ZUP1: variants seen among roughly 807,000 people sequenced by gnomAD.
The protein encoded by ZUP1 is zinc finger-containing ubiquitin peptidase 1.
Under a neutral mutation model 68.1 loss-of-function variants are expected in ZUP1, and 55 were observed. The ratio of observed to expected loss-of-function variants is 0.81; its 90% CI spans 0.65 to 1.01. The LOEUF is 1.01. Ranked by LOEUF, ZUP1 falls within the 50% of genes least tolerant of loss-of-function variation. The pLI is 0.00. For missense variants in ZUP1, 684 were observed against 674.9 expected (o/e 1.01, Z -0.15); for synonymous variants, 223 against 221.5 (o/e 1.01, Z -0.06).
At chr6:116,659,691 A>G (rs927285910) in intron 3 of ZUP1, among the ~76,000 whole-genome samples, 3 of 152,102 alleles carry the variant, frequency 2.0e-5, no homozygotes, top group Non-Finnish European at 4.4e-5. Flanking sequence ...ATTTAATTAC[A>G]GTTTGGCCCC....
Position 116,647,503 on chromosome 6 carries a change from T to A in ZUP1, c.1424A>T (p.Lys475Met). 1 of 1,598,694 alleles carries A rather than the reference T, an allele frequency of 6.3e-7. No individual in the cohort carries two copies. Among genetic ancestry groups the A allele is most frequent in the Non-Finnish European group, 8.6e-7 (1 of 1,169,514 alleles). Residue 475 changes from lysine (K) to methionine (M), a missense_variant, in exon 8 of 10, where the codon AAG (lysine) becomes ATG (methionine). By Grantham distance (95) the Lys-to-Met change is moderately conservative. Coordinates refer to ENST00000368576, the MANE Select transcript of ZUP1 (RefSeq NM_145062.3). ...AGGAGGTTTAGATGTACACACTACC[T>A]TTGGACTCCCTTCTCCCTCTGAAGA... ...YYSSEGEGSP[K>M]VVCTSKPPIY...
rs1775892065 is a variant in ZUP1 at position 116,635,679 on chromosome 6, AT to A, written c.*152del. On this transcript the variant is annotated 3_prime_UTR_variant, in exon 10 of 10. Coordinates refer to ENST00000368576, the MANE Select transcript of ZUP1 (RefSeq NM_145062.3). ...TACCAAACAATGAAGTATGATAGGTATAATTCAATTAACACAGGCATTTTAG... is the reference window on the plus strand; with the variant it reads ...TACCAAACAATGAAGTATGATAGGTAAATTCAATTAACACAGGCATTTTAG... 5.9e-6 allele frequency: 3 copies of A among 509,250 alleles called. No individual in the cohort carries two copies. The highest frequency in any genetic ancestry group is 1.0e-5 in the Non-Finnish European group (3 of 296,982). 31.5% of individuals were successfully genotyped at this position (509,250 alleles called of 1,614,324 possible).
intron 7 of ZUP1, among the ~76,000 whole-genome samples, chr6:116,650,938 CA>C (rs1776470979): frequency 6.6e-6 from 1 of 150,742 alleles, no homozygotes; most frequent in Non-Finnish European, 1.5e-5. Flanking sequence ...ACACACAAAA[CA>C]GTGAAAAAAT....
intron 8 of ZUP1, 132 bp from the exon 9 acceptor site, chr6:116,646,066 C>A (rs1776300067): frequency 1.8e-6 from 1 of 564,892 alleles, no homozygotes; most frequent in Non-Finnish European, 2.9e-6. Flanking sequence ...ACATATGTAT[C>A]TAAGTTCTCC....
chr6:116,665,119 CT>C (rs764567708), intron 2 of ZUP1, among the ~76,000 whole-genome samples: 1 of 151,490 alleles, frequency 6.6e-6, no homozygotes, highest in Non-Finnish European at 1.5e-5. Context: ...TTAAAAGCAA[CT>C]GAAAAAAACT....
chr6:116,651,654 G>A lies in ZUP1; in HGVS notation c.1234C>T (p.Gln412Ter). The A allele has an allele frequency of 1.2e-6, 2 of 1,613,802 alleles. No homozygotes were observed. Among genetic ancestry groups the A allele is most frequent in the African/African-American group, 1.3e-5 (1 of 75,002 alleles). ...GTTCCCTGTAACCTGTTATTAAGTT[G>A]AGAGGCCCCCTGAGGATCAAAACCT... is the stretch of plus-strand genomic sequence containing the variant. ...KEGFDPQGAS[Q>*]LNNRLQGTKA... The change falls in exon 7 of 10, where the codon CAA becomes TAA. Residue 412 changes from glutamine (Q) to a stop codon, truncating the protein, a stop_gained. Transcript: ENST00000368576. LOFTEE classifies it high-confidence loss of function.
Position 116,651,679 on chromosome 6 carries a change from T to C in ZUP1, c.1209A>G (p.Glu403=). 1 of 1,613,908 alleles carries C rather than the reference T, an allele frequency of 6.2e-7. No individual in the cohort carries two copies. Among genetic ancestry groups the C allele is most frequent in the Non-Finnish European group, 8.5e-7 (1 of 1,179,864 alleles). Residue 403 remains glutamate (E), a synonymous_variant, in exon 7 of 10, where the codon GAA becomes GAG. Coordinates refer to ENST00000368576, the MANE Select transcript of ZUP1 (RefSeq NM_145062.3). ...GAGAGGCCCCCTGAGGATCAAAACC[T>C]TCCTTCCATGCATCTTCAATCATAG... is the stretch of plus-strand genomic sequence containing the variant. ...IQSMIEDAWK[E]GFDPQGASQL...
intron 9 of ZUP1, among the ~76,000 whole-genome samples, chr6:116,641,856 A>T (rs902342224): frequency 2.0e-5 from 3 of 152,196 alleles, no homozygotes; most frequent in Non-Finnish European, 4.4e-5. Flanking sequence ...GAACTGAAGG[A>T]AATAGAGACA....
intron 2 of ZUP1, among the ~76,000 whole-genome samples, chr6:116,664,158 C>G (rs913097157): frequency 6.6e-6 from 1 of 152,120 alleles, no homozygotes; most frequent in African/African-American, 2.4e-5. Context: ...AGCCTGGGCG[C>G]GGTGGCTTAC....
intron 2 of ZUP1, among the ~76,000 whole-genome samples, chr6:116,663,634 G>A (rs938568607): frequency 1.4e-4 from 22 of 152,110 alleles, no homozygotes; most frequent in African/African-American, 5.3e-4. Flanking sequence ...GGGAATTAAT[G>A]TAGAATTATT....
chr6:116,665,016 G>A (rs1031518774), intron 2 of ZUP1, among the ~76,000 whole-genome samples: 6 of 151,516 alleles, frequency 4.0e-5, no homozygotes, highest in African/African-American at 1.2e-4. Context: ...ACAATACATA[G>A]AAAACAAAAA....
At chr6:116,640,593 T>A (rs1348034428) in intron 9 of ZUP1, among the ~76,000 whole-genome samples, 1 of 151,926 alleles carries the variant, frequency 6.6e-6, no homozygotes, top group Non-Finnish European at 1.5e-5. Flanking sequence ...AAACTAAGCT[T>A]CACAAGTGAA....
intron 5 of ZUP1, among the ~76,000 whole-genome samples, chr6:116,653,126 T>C (rs1776566320): frequency 6.6e-6 from 1 of 151,974 alleles, no homozygotes; most frequent in Non-Finnish European, 1.5e-5. Context: ...AAAAACAAGG[T>C]GTTAGGACAA....
chr6:116,660,891 A>AT (rs747714483), intron 2 of ZUP1, 45 bp from the exon 3 acceptor site: 1 of 1,184,944 alleles, frequency 8.4e-7, no homozygotes, highest in South Asian at 1.5e-5. Flanking sequence ...TTTTATTTTA[A>AT]TTTTTTTCTT....
Position 116,658,848 on chromosome 6 carries a change from T to A in ZUP1, c.747A>T (p.Arg249Ser). 1 of 1,609,394 alleles carries A rather than the reference T, an allele frequency of 6.2e-7. No individual in the cohort carries two copies. The highest frequency in any genetic ancestry group is 8.5e-7 in the Non-Finnish European group (1 of 1,177,050). Residue 249 changes from arginine (R) to serine (S), a missense_variant, in exon 4 of 10, where the codon AGA becomes AGT. Physicochemically the swap from Arg to Ser is moderately radical, Grantham distance 110. Transcript: ENST00000368576. ...CTATTTCTTGTCTTGATTCTTCAGA[T>A]CTCCTCTTTCTGTCTTCTTCTTGCT... ...QLQQEEDRKR[R>S]SEESRQEIEE...
chr6:116,650,309 C>T (rs1390344865), intron 7 of ZUP1, among the ~76,000 whole-genome samples: 1 of 150,368 alleles, frequency 6.7e-6, no homozygotes, highest in African/African-American at 2.5e-5. Flanking sequence ...GTAATCCCAG[C>T]TACTAGGGAG....
intron 2 of ZUP1, among the ~76,000 whole-genome samples, chr6:116,663,186 A>G (rs1776897747): frequency 6.6e-6 from 1 of 152,102 alleles, no homozygotes. Flanking sequence ...CCACTCTAAA[A>G]AGTGTTTGAC....
In ZUP1 at chr6:116,667,051, T is replaced by TA; in HGVS notation, c.141dup (p.Ile48TyrfsTer7). 1 of 1,613,866 alleles carries TA rather than the reference T, an allele frequency of 6.2e-7. No homozygotes were observed. ...TTCTGCTCAAAATGAGCTGTTTCGA[T>TA]ATGAAAACACATTTCATCATAATTC... On this transcript the variant is annotated frameshift_variant, in exon 2 of 10. Coordinates refer to ENST00000368576, the MANE Select transcript of ZUP1 (RefSeq NM_145062.3). LOFTEE classifies it high-confidence loss of function.
intron 2 of ZUP1, among the ~76,000 whole-genome samples, chr6:116,664,753 C>T (rs1562412984): frequency 6.6e-6 from 1 of 151,896 alleles, no homozygotes; most frequent in East Asian, 1.9e-4. Flanking sequence ...CTGGCCCACA[C>T]AGATATGAAA....
Sources: allele counts gnomAD v4.1 joint callset (sites outside exome capture counted in the v4.1 genomes callset), GRCh38; gene constraint gnomAD v4.1.1; transcripts MANE v1.5; gene names NCBI Gene and HGNC (gene_info 2026-07-23, HGNC 2026-07-21).